Variants in MGAT5 observed in about 807,000 individuals in gnomAD.
MGAT5 encodes alpha-1,6-mannosylglycoprotein 6-beta-N-acetylglucosaminyltransferase A.
A neutral mutation model predicts 94.3 loss-of-function variants in MGAT5; 30 were observed. The ratio of observed to expected loss-of-function variants is 0.32; its 90% confidence interval spans 0.24 to 0.43. The LOEUF (loss-of-function observed/expected upper bound fraction) is 0.43, where lower values mean the gene tolerates loss of function less well. MGAT5 is among the 20% of genes least tolerant of loss of function. The pLI, the probability that MGAT5 is intolerant of heterozygous loss-of-function variation, is 1.00. For synonymous variants in MGAT5, 310 were observed against 322.9 expected (o/e 0.96, Z 0.43); for missense variants, 691 against 905.5 (o/e 0.76, Z 3.04).
intron 2 of MGAT5, among the ~76,000 whole-genome samples, chr2:134,291,076 A>G (rs1037381175): frequency 1.3e-5 from 2 of 151,518 alleles, no homozygotes; most frequent in African/African-American, 2.4e-5. Flanking sequence ...TATTTAGAAA[A>G]CACACACACA....
At position 134,364,906 on chromosome 2, in the gene MGAT5, A is replaced by G. The variant is rs530677757; in HGVS notation, c.1380+2498A>G. ...ATTTAGTGAATGCACACAGAAAACC[A>G]ATGTGCCTTTTAAGTGAGATGTTAC... On this transcript the variant is annotated intron_variant, in intron 10 of 15. Coordinates refer to ENST00000281923, the MANE Select transcript of MGAT5 (RefSeq NM_002410.5). Among the ~76,000 whole-genome samples, 3 of 152,324 alleles carry G rather than the reference A, an allele frequency of 2.0e-5. No individual in the cohort carries two copies. In the South Asian group the frequency reaches 6.2e-4, roughly 32 times the overall value.
intron 1 of MGAT5, among the ~76,000 whole-genome samples, chr2:134,122,573 G>A (rs1685663471): frequency 6.6e-6 from 1 of 152,230 alleles, no homozygotes; most frequent in Non-Finnish European, 1.5e-5. Flanking sequence ...GCAAGAGGGT[G>A]ACTGTTTCAC....
intron 1 of MGAT5, among the ~76,000 whole-genome samples, chr2:134,141,376 G>T (rs1013640902): frequency 3.9e-5 from 6 of 152,294 alleles, no homozygotes; most frequent in African/African-American, 1.4e-4. Flanking sequence ...CAGCAACCTT[G>T]TCTGTCTTAT....
chr2:134,144,092 A>C (rs1457193325), intron 1 of MGAT5, among the ~76,000 whole-genome samples: 8 of 152,192 alleles, frequency 5.3e-5, no homozygotes, highest in Admixed American at 5.2e-4. Flanking sequence ...TGCCGGTTGA[A>C]GATGAAGCTC....
At chr2:134,399,472 C>T (rs1315629141) in intron 10 of MGAT5, among the ~76,000 whole-genome samples, 1 of 152,204 alleles carries the variant, frequency 6.6e-6, no homozygotes, top group African/African-American at 2.4e-5. Flanking sequence ...CTCAAATGAG[C>T]TTAGGTGGAT....
intron 12 of MGAT5, 98 bp downstream of exon 12, chr2:134,413,113 T>G: frequency 7.2e-7 from 1 of 1,383,312 alleles, no homozygotes; most frequent in East Asian, 2.5e-5. Flanking sequence ...CATGATTGGG[T>G]GGGAGGGTGA....
At chr2:134,135,711 A>G (rs964649113) in intron 1 of MGAT5, among the ~76,000 whole-genome samples, 5 of 151,064 alleles carry the variant, frequency 3.3e-5, no homozygotes, top group African/African-American at 1.2e-4. Context: ...AAAAAAAAAA[A>G]AAAGAAACCT....
rs192843999 is a variant in MGAT5 at position 134,289,388 on chromosome 2, G to T, written c.406+18838G>T. 1.2e-3 allele frequency among the ~76,000 whole-genome samples: 186 copies of T among 152,198 alleles called. 2 individuals are homozygous for T. Among genetic ancestry groups the T allele is most frequent in the African/African-American group, 4.2e-3 (176 of 41,538 alleles). ...CAATACTGCCCCTTGGTAGTGGCCC[G>T]GGCACAAAGCCATCAGCCAGCTGCT... On this transcript the variant is annotated intron_variant, in intron 2 of 15. Transcript: ENST00000281923.
At chr2:134,217,735 GAA>G in intron 1 of MGAT5, among the ~76,000 whole-genome samples, 1 of 152,134 alleles carries the variant, frequency 6.6e-6, no homozygotes, top group East Asian at 1.9e-4. Context: ...CTTACAGTTA[GAA>G]AAAATAAGAC....
intron 1 of MGAT5, among the ~76,000 whole-genome samples, chr2:134,141,016 C>T (rs1430214771): frequency 1.3e-5 from 2 of 152,130 alleles, no homozygotes; most frequent in Non-Finnish European, 2.9e-5. Flanking sequence ...GAAGTGAGGC[C>T]TTTAAAAACG....
At chr2:134,218,386 A>G (rs1424035895) in intron 1 of MGAT5, among the ~76,000 whole-genome samples, 3 of 152,232 alleles carry the variant, frequency 2.0e-5, no homozygotes, top group Admixed American at 2.0e-4. Flanking sequence ...TTAAAACAGT[A>G]AGCCTTCATT....
rs776240487 is a variant in MGAT5, at chr2:134,349,938, C to T, written c.1246C>T (p.Pro416Ser). 10 of 1,613,042 alleles carry T rather than the reference C, an allele frequency of 6.2e-6. No individual in the cohort carries two copies. The highest frequency in any genetic ancestry group is 2.2e-5 in the South Asian group (2 of 91,046). ...LNPQQFYTMF[P>S]HTPDNSFLGF... ...CCCTCAGCAGTTTTATACCATGTTCCGTGAGTATTCCTGTTTCATGTATGC... is the reference window on the plus strand; with the variant it reads ...CCCTCAGCAGTTTTATACCATGTTCTGTGAGTATTCCTGTTTCATGTATGC... The change falls in exon 9 of 16, where the codon CCT (proline) becomes TCT (serine). Residue 416 changes from proline to serine, a missense_variant and splice_region_variant. Physicochemically the swap from Pro to Ser is moderately conservative, Grantham distance 74. Around this residue, in one of 4 missense-constraint regions of MGAT5, gnomAD observed 121 missense variants for 206.1 expected, o/e 0.59. Transcript: ENST00000281923.
Position 134,317,096 on chromosome 2 carries a change from G to T in MGAT5, c.407-433G>T, listed in dbSNP as rs80080607. Among the ~76,000 whole-genome samples the T allele has an allele frequency of 7.9e-3, 1,199 of 152,262 alleles. 13 individuals are homozygous for T. Among genetic ancestry groups the T allele is most frequent in the African/African-American group, 0.028 (1,157 of 41,548 alleles). On this transcript the variant is annotated intron_variant, in intron 2 of 15. Coordinates refer to ENST00000281923, the MANE Select transcript of MGAT5 (RefSeq NM_002410.5). Reference sequence around the variant, plus strand: ...CCTCTCTGGCCTGTTGGCTTTCTCAGTTCATGCAGTTGTCTTCACGAGGTC... The same window carrying T: ...CCTCTCTGGCCTGTTGGCTTTCTCATTTCATGCAGTTGTCTTCACGAGGTC...
At chr2:134,322,394 T>C (rs1687386299) in intron 4 of MGAT5, among the ~76,000 whole-genome samples, 2 of 152,208 alleles carry the variant, frequency 1.3e-5, no homozygotes, top group African/African-American at 2.4e-5. Context: ...TTTGTATGTA[T>C]TCATGGTATA....
rs77420666 is a variant in MGAT5, at chr2:134,323,153, T to C, written c.573+4414T>C. On this transcript the variant is annotated intron_variant, in intron 4 of 15. Coordinates refer to ENST00000281923, the MANE Select transcript of MGAT5 (RefSeq NM_002410.5). Reference sequence around the variant, plus strand: ...CTTTCACCCTCACCAACTTGTAGTCTATGGATCTTTTTTGGTTAAATCCCA... The same window carrying C: ...CTTTCACCCTCACCAACTTGTAGTCCATGGATCTTTTTTGGTTAAATCCCA... 3.0e-3 allele frequency among the ~76,000 whole-genome samples: 461 copies of C among 152,292 alleles called. 3 individuals carry two copies. The highest frequency in any genetic ancestry group is 0.014 in the Middle Eastern group (4 of 294).
intron 2 of MGAT5, among the ~76,000 whole-genome samples, chr2:134,276,707 G>A (rs1347640525): frequency 6.6e-6 from 1 of 152,202 alleles, no homozygotes; most frequent in African/African-American, 2.4e-5. Flanking sequence ...AGGATGAATA[G>A]GTGTGAGGTC....
At chr2:134,274,058 C>T (rs913536142) in intron 2 of MGAT5, among the ~76,000 whole-genome samples, 4 of 152,070 alleles carry the variant, frequency 2.6e-5, no homozygotes, top group African/African-American at 7.2e-5. Context: ...GGAAGTGGAG[C>T]GAATAGGATT....
intron 1 of MGAT5, among the ~76,000 whole-genome samples, chr2:134,148,666 A>T (rs1193624051): frequency 6.6e-6 from 1 of 152,182 alleles, no homozygotes; most frequent in East Asian, 1.9e-4. Flanking sequence ...TACATGTTAT[A>T]CACATGGACA....
chr2:134,278,708 A>G (rs1473991369), intron 2 of MGAT5, among the ~76,000 whole-genome samples: 2 of 152,180 alleles, frequency 1.3e-5, no homozygotes, highest in African/African-American at 4.8e-5. Context: ...CTCCATTTTA[A>G]GCACTACTGT....
Sources: allele counts gnomAD v4.1 joint callset (sites outside exome capture counted in the v4.1 genomes callset), GRCh38; gene constraint gnomAD v4.1.1; regional missense constraint gnomAD v4.1.1; transcripts MANE v1.5; gene names NCBI Gene and HGNC (gene_info 2026-07-23, HGNC 2026-07-21).